The following MYH7 variants were observed in gnomAD, a reference collection of about 807,000 sequenced individuals.
The protein encoded by MYH7 is myosin-7.
MYH7 carries 129 observed loss-of-function variants against 225.4 expected under a neutral mutation model. That is an observed-to-expected ratio of 0.57 (90% CI 0.50 to 0.66). The LOEUF (loss-of-function observed/expected upper bound fraction) is 0.66, where lower values mean the gene tolerates loss of function less well. Ranked by LOEUF, MYH7 falls within the 30% of genes least tolerant of loss-of-function variation. The probability of loss-of-function intolerance (pLI) is 0.00; values close to 1 mark genes in which losing one functional copy is unlikely to be tolerated. For synonymous variants in MYH7, 971 were observed against 1,007.6 expected, an observed-to-expected ratio of 0.96 and a Z score of 0.69; for missense variants, 1,649 against 2,517.0, an observed-to-expected ratio of 0.66 and a Z score of 7.38.
Position 23,415,299 on chromosome 14 carries a change from T to C in MYH7, c.5284-29A>G, listed in dbSNP as rs750389662. 5.5e-5 allele frequency: 89 copies of C among 1,614,090 alleles called. 2 individuals carry two copies. The Middle Eastern group carries it at 1.3e-3, about 24-fold the overall frequency. On this transcript the variant is annotated intron_variant, in intron 36 of 39. Transcript: ENST00000355349. The surrounding 1 kb of genome is among the most constrained non-coding windows in gnomAD (Gnocchi z 6.3). ...TGTGCAGGAGAGAGGTGGCACATGG[T>C]CTGGTCAAGTCCTCACACACTTGCT...
chr14:23,419,649 C>T (rs1156672105), intron 27 of MYH7, 40 bp from the exon 28 acceptor site: 10 of 1,560,240 alleles, frequency 6.4e-6, no homozygotes, highest in South Asian at 1.1e-5. Context: ...ATGTTGGGGG[C>T]GGGGGGAATG....
intron 25 of MYH7, 79 bp from the exon 26 acceptor site, chr14:23,421,127 T>A: frequency 1.0e-6 from 1 of 999,538 alleles, no homozygotes. Context: ...AAAATGGTAA[T>A]GATACAGGTA....
In MYH7 at chr14:23,425,643, A is replaced by T. The variant is rs554500948; in HGVS notation, c.2286+52T>A. The T allele has an allele frequency of 6.2e-7, 1 of 1,613,134 alleles. No homozygotes were observed. Among genetic ancestry groups the T allele is most frequent in the South Asian group, 1.1e-5 (1 of 91,046 alleles). On this transcript the variant is annotated intron_variant, in intron 20 of 39. Coordinates refer to ENST00000355349, the MANE Select transcript of MYH7 (RefSeq NM_000257.4). This position sits in a 1 kb window ranked among gnomAD's most constrained non-coding sequence, Gnocchi z 4.6. ...ATTACAACAGGAAAAGCATCAGAGGAGTCAATGGAAAAGAGATGTCTTCCT... is the reference window on the plus strand; with the variant it reads ...ATTACAACAGGAAAAGCATCAGAGGTGTCAATGGAAAAGAGATGTCTTCCT...
chr14:23,431,324 C>T (rs1892925830), intron 9 of MYH7, 94 bp downstream of exon 9: 2 of 1,275,962 alleles, frequency 1.6e-6, no homozygotes, highest in African/African-American at 2.9e-5. Flanking sequence ...AGGAGAAAAA[C>T]AGAGGGAGGG....
rs1254783815 is a variant in MYH7 at position 23,420,160 on chromosome 14, T to C, written c.3411A>G (p.Ser1137=). 6.2e-7 allele frequency: 1 copy of C among 1,602,726 alleles called. No individual in the cohort carries two copies. The highest frequency in any genetic ancestry group is 8.5e-7 in the Non-Finnish European group (1 of 1,176,392). ...TARAKVEKLR[S]DLSRELEEIS... ...TCTCCTCCAGCTCCCGAGACAGGTC[T>C]GAGCGCAGCTTCTCCACCTTAGCCC... Residue 1137 remains serine, a synonymous_variant, in exon 27 of 40, where the codon TCA becomes TCG. Transcript: ENST00000355349.
Position 23,429,763 on chromosome 14 carries a change from C to T in MYH7, c.1138+12G>A. On this transcript the variant is annotated intron_variant, in intron 12 of 39. Coordinates refer to ENST00000355349, the MANE Select transcript of MYH7 (RefSeq NM_000257.4). ...GACTTGACAGCTGCCCCCAAGAATC[C>T]CTGCCTCCCACCTTCAGTGCCGTCT... 6.2e-7 allele frequency: 1 copy of T among 1,612,036 alleles called. No homozygotes were observed. The highest frequency in any genetic ancestry group is 1.1e-5 in the South Asian group (1 of 91,000).
chr14:23,431,531 G>A, intron 8 of MYH7, 50 bp from the exon 9 acceptor site: 1 of 1,613,514 alleles, frequency 6.2e-7, no homozygotes, highest in Non-Finnish European at 8.5e-7. Flanking sequence ...GCTCATATCT[G>A]AGACCATTCC....
In MYH7 at chr14:23,431,611, C is replaced by T. The variant is rs397516261; in HGVS notation, c.706G>A (p.Val236Ile). The change falls in exon 8 of 40, where the codon GTC (valine) becomes ATC (isoleucine). Residue 236 changes from valine to isoleucine, a missense_variant. Physicochemically the swap from Val to Ile is conservative, Grantham distance 29 (BLOSUM62 3). This residue lies in a region of MYH7 where 131 missense variants were observed against 231.3 expected (regional missense o/e 0.57). Coordinates refer to ENST00000355349, the MANE Select transcript of MYH7 (RefSeq NM_000257.4). Reference protein sequence around the residue: ...ALEAFGNAKTVRNDNSSRFGK... With the variant: ...ALEAFGNAKTIRNDNSSRFGK... ...AAGCGGGAGGAGTTGTCGTTCCGGA[C>T]GGTCTTGGCATTGCCAAAGGCCTCC... The T allele has an allele frequency of 5.6e-6, 9 of 1,614,132 alleles. No individual in the cohort carries two copies. The highest frequency in any genetic ancestry group is 2.7e-5 in the African/African-American group (2 of 74,950).
Position 23,418,433 on chromosome 14 carries a change from G to A in MYH7, c.3973-27C>T, listed in dbSNP as rs553561035. 108 of 1,589,770 alleles carry A rather than the reference G, an allele frequency of 6.8e-5. 1 individual carries two copies. In the South Asian group the frequency reaches 1.2e-3, roughly 17 times the overall value. On this transcript the variant is annotated intron_variant, in intron 29 of 39. Transcript: ENST00000355349. Reference sequence around the variant, plus strand: ...TGGGGAGGGGTGGGCACCAGGAGGTGGGTTCAGCTTTCTCCATAAAGCAAC... The same window carrying A: ...TGGGGAGGGGTGGGCACCAGGAGGTAGGTTCAGCTTTCTCCATAAAGCAAC...
Position 23,431,896 on chromosome 14 carries a change from G to T in MYH7, c.531-27C>A, listed in dbSNP as rs201586880. 2.1e-4 allele frequency: 341 copies of T among 1,600,144 alleles called. No homozygotes were observed. In the African/African-American group the frequency reaches 4.3e-3, roughly 20 times the overall value. On this transcript the variant is annotated intron_variant, in intron 6 of 39. Transcript: ENST00000355349. ...TGTGAAGACAGGGGCTTATTGGGCA[G>T]TGAACAATACTACTGGAGACCAGCA...
At chr14:23,430,520 C>T (rs1892884816) in intron 11 of MYH7, 40 bp downstream of exon 11, 1 of 1,538,388 alleles carries the variant, frequency 6.5e-7, no homozygotes, top group Non-Finnish European at 9.0e-7. Flanking sequence ...CCCCTCACTG[C>T]CAATCCTCCC....
chr14:23,423,070 T>G (rs892279597), intron 24 of MYH7, among the ~76,000 whole-genome samples: 1 of 152,202 alleles, frequency 6.6e-6, no homozygotes, highest in Non-Finnish European at 1.5e-5. Context: ...GAAGCTTAAA[T>G]AATTAAAATA....
At chr14:23,423,857 C>G (rs775662903) in intron 23 of MYH7, 50 bp downstream of exon 23, 17 of 1,613,498 alleles carry the variant, frequency 1.1e-5, no homozygotes, top group Non-Finnish European at 1.3e-5. Context: ...TCAGTATGGT[C>G]TGAGAGTCCT....
In MYH7 at chr14:23,433,332, A is replaced by G. The variant is rs961992521; in HGVS notation, c.202-105T>C. 2 of 1,549,200 alleles carry G rather than the reference A, an allele frequency of 1.3e-6. No individual in the cohort carries two copies. Among genetic ancestry groups the G allele is most frequent in the African/African-American group, 2.7e-5 (2 of 73,566 alleles). On this transcript the variant is annotated intron_variant, in intron 3 of 39. Coordinates refer to ENST00000355349, the MANE Select transcript of MYH7 (RefSeq NM_000257.4). The surrounding 1 kb of genome is among the most constrained non-coding windows in gnomAD (Gnocchi z 4.1). The stretch of plus-strand genomic sequence containing the variant: ...ACAGGGCAATAGTGCTCAAGAGAGA[A>G]GGAACCAGGATCTCACAGGGAAGAC...
intron 27 of MYH7, 62 bp downstream of exon 27, chr14:23,419,783 C>T (rs1450718868): frequency 6.2e-7 from 1 of 1,613,902 alleles, no homozygotes; most frequent in Non-Finnish European, 8.5e-7. Flanking sequence ...AGAGACACTA[C>T]ATGGACAGAA....
At chr14:23,413,961 C>G in intron 38 of MYH7, 46 bp downstream of exon 38, 1 of 1,614,144 alleles carries the variant, frequency 6.2e-7, no homozygotes, top group Non-Finnish European at 8.5e-7. Flanking sequence ...GGGGGACGAG[C>G]TCTCCTATGC....
At chr14:23,424,534 A>G (rs1276305519) in intron 22 of MYH7, among the ~76,000 whole-genome samples, 2 of 152,208 alleles carry the variant, frequency 1.3e-5, no homozygotes, top group African/African-American at 4.8e-5. Flanking sequence ...CAAAATAATT[A>G]AGCTGTGTAT....
At chr14:23,434,560 C>T (rs140996802) in intron 1 of MYH7, among the ~76,000 whole-genome samples, 1 of 152,232 alleles carries the variant, frequency 6.6e-6, no homozygotes, top group Non-Finnish European at 1.5e-5. Context: ...TGAGAGACAA[C>T]TAATGGTCAC....
rs879873323 is a variant in MYH7 at position 23,435,368 on chromosome 14, AC to A, written c.-65+251del. On this transcript the variant is annotated intron_variant, in intron 1 of 39. Transcript: ENST00000355349. ...ATTCAGACTATGCAGGCTTGTCCAC[AC>A]ACACACACACACACACACACACACA... Among the ~76,000 whole-genome samples the A allele has an allele frequency of 8.4e-3, 890 of 106,218 alleles. 7 individuals carry two copies. Among genetic ancestry groups the A allele is most frequent in the Non-Finnish European group, 0.012 (671 of 54,014 alleles). The allele number at this position is 106,218 out of a possible 152,430, so 69.7% of individuals were successfully genotyped here.
Sources: gnomAD v4.1 joint callset for allele counts (sites outside exome capture counted in the v4.1 genomes callset) on GRCh38, gnomAD v4.1.1 for gene constraint, gnomAD v4.1.1 regional missense constraint, Gnocchi (gnomAD v3.1) non-coding constraint, MANE v1.5 for transcripts, NCBI Gene and HGNC (gene_info 2026-07-23, HGNC 2026-07-21) for gene names.